CNTNAP2: variants seen among roughly 807,000 people sequenced by gnomAD.
The protein encoded by CNTNAP2 is contactin-associated protein-like 2.
CNTNAP2 carries 98 observed loss-of-function variants against 155.2 expected under a neutral mutation model. The observed-to-expected ratio is 0.63, with a 90% CI of 0.54 to 0.75. The LOEUF (loss-of-function observed/expected upper bound fraction) is 0.75, where lower values mean the gene tolerates loss of function less well. Among genes scored for constraint, CNTNAP2 ranks in the 30% least tolerant of loss-of-function variants. The pLI is 0.00. For missense variants in CNTNAP2, 1,727 were observed against 1,688.1 expected (o/e 1.02, Z -0.40); for synonymous variants, 651 against 631.2 (o/e 1.03, Z -0.47).
intron 4 of CNTNAP2, among the ~76,000 whole-genome samples, chr7:147,087,845 C>T (rs57697536): frequency 0.074 from 11,196 of 151,996 alleles, 1,085 homozygotes; most frequent in African/African-American, 0.22. Flanking sequence ...GGCATGGTGG[C>T]GCACACCTGT....
intron 2 of CNTNAP2, among the ~76,000 whole-genome samples, chr7:146,808,872 A>AACGT (rs1803014773): frequency 6.6e-6 from 1 of 152,220 alleles, no homozygotes; most frequent in African/African-American, 2.4e-5. Flanking sequence ...CACGAATGAC[A>AACGT]GAATTTCCTT....
At chr7:147,291,327 C>T (rs1805305783) in intron 8 of CNTNAP2, among the ~76,000 whole-genome samples, 1 of 152,048 alleles carries the variant, frequency 6.6e-6, no homozygotes, top group African/African-American at 2.4e-5. Flanking sequence ...CCTTTCCCCT[C>T]ACTCCACAAC....
At chr7:146,675,618 T>C (rs1194546241) in intron 1 of CNTNAP2, among the ~76,000 whole-genome samples, 1 of 152,190 alleles carries the variant, frequency 6.6e-6, no homozygotes, top group African/African-American at 2.4e-5. Context: ...TTGGTTGTCA[T>C]TGGCTTTAAA....
At chr7:147,836,579 C>T (rs2116644438) in intron 13 of CNTNAP2, among the ~76,000 whole-genome samples, 2 of 152,236 alleles carry the variant, frequency 1.3e-5, no homozygotes, top group Non-Finnish European at 2.9e-5. Context: ...CTCCTAACAC[C>T]CTTTCCCTCT....
chr7:147,583,692 A>G (rs992065538), intron 12 of CNTNAP2, among the ~76,000 whole-genome samples: 2 of 151,966 alleles, frequency 1.3e-5, no homozygotes, highest in Admixed American at 1.3e-4. Flanking sequence ...GGGACACCAA[A>G]GTACTCACAG....
At chr7:147,145,140 C>A (rs1388598636) in intron 8 of CNTNAP2, among the ~76,000 whole-genome samples, 1 of 152,130 alleles carries the variant, frequency 6.6e-6, no homozygotes, top group South Asian at 2.1e-4. Flanking sequence ...AACTGTTAAG[C>A]AACAAAATAC....
At chr7:146,321,640 T>A (rs1563037383) in intron 1 of CNTNAP2, among the ~76,000 whole-genome samples, 2 of 152,124 alleles carry the variant, frequency 1.3e-5, no homozygotes, top group African/African-American at 4.8e-5. Context: ...TTAACCTCAG[T>A]GTGATTTTGC....
intron 21 of CNTNAP2, among the ~76,000 whole-genome samples, chr7:148,329,058 A>G (rs942943162): frequency 2.1e-4 from 31 of 147,816 alleles, no homozygotes; most frequent in African/African-American, 7.8e-4. Flanking sequence ...TGTGTTCTCC[A>G]TGCTGCTGCC....
At position 147,317,907 on chromosome 7, in the gene CNTNAP2, G is replaced by A. The variant is rs989309934; in HGVS notation, c.1498+17617G>A. Among the ~76,000 whole-genome samples the A allele has an allele frequency of 4.6e-5, 7 of 150,776 alleles. No individual in the cohort carries two copies. The East Asian group carries it at 5.9e-4, about 13-fold the overall frequency. On this transcript the variant is annotated intron_variant, in intron 9 of 23. Coordinates refer to ENST00000361727, the MANE Select transcript of CNTNAP2 (RefSeq NM_014141.6). ...CTTCTCTTAACTTTCTGCTTTCTAC[G>A]GTTTGTCTCTTTCTTCTTACCTAGT...
chr7:146,229,183 A>G (rs1799343785), intron 1 of CNTNAP2, among the ~76,000 whole-genome samples: 1 of 152,190 alleles, frequency 6.6e-6, no homozygotes, highest in African/African-American at 2.4e-5. Context: ...CCATCGGGTC[A>G]CTTTTTCCCC....
At chr7:148,089,222 G>C (rs555613393) in intron 15 of CNTNAP2, among the ~76,000 whole-genome samples, 4 of 152,088 alleles carry the variant, frequency 2.6e-5, no homozygotes, top group African/African-American at 7.2e-5. Context: ...AAAGTTGAAA[G>C]CTCTTCCTCT....
chr7:147,614,852 C>G (rs532768211), intron 12 of CNTNAP2, among the ~76,000 whole-genome samples: 219 of 151,592 alleles, frequency 1.4e-3, no homozygotes, highest in African/African-American at 5.1e-3. Flanking sequence ...TTTATTATTT[C>G]TGGTGCCTTT....
intron 15 of CNTNAP2, among the ~76,000 whole-genome samples, chr7:147,994,050 G>A (rs1404034036): frequency 6.6e-6 from 1 of 151,930 alleles, no homozygotes; most frequent in Non-Finnish European, 1.5e-5. Flanking sequence ...ATATACTTAC[G>A]TATGCACACA....
At chr7:148,398,315 C>T (rs1799512566) in intron 22 of CNTNAP2, among the ~76,000 whole-genome samples, 1 of 152,198 alleles carries the variant, frequency 6.6e-6, no homozygotes, top group Non-Finnish European at 1.5e-5. Flanking sequence ...AGTTACAACA[C>T]AAACATCCCA....
chr7:147,771,358 C>T (rs1378684998), intron 13 of CNTNAP2, among the ~76,000 whole-genome samples: 2 of 152,128 alleles, frequency 1.3e-5, no homozygotes, highest in Non-Finnish European at 2.9e-5. Flanking sequence ...TGAAAAGATG[C>T]TACAAATAAA....
In CNTNAP2 at chr7:147,300,109, G is replaced by GA. The variant is rs542191078; in HGVS notation, c.1349-31dup. 5.2e-3 allele frequency: 8,342 copies of GA among 1,610,664 alleles called. 34 individuals carry two copies. The highest frequency in any genetic ancestry group is 6.2e-3 in the Non-Finnish European group (7,301 of 1,177,910). On this transcript the variant is annotated intron_variant, in intron 8 of 23. Transcript: ENST00000361727. ...ATTGTGTTCAGCTGGGTAATTTTAA[G>GA]ATAAAAATGACTTTTATCTTGTACT... is the stretch of plus-strand genomic sequence containing the variant.
chr7:148,330,506 GTGGATGGA>G (rs1797972481), intron 21 of CNTNAP2, among the ~76,000 whole-genome samples: 1 of 139,208 alleles, frequency 7.2e-6, no homozygotes, highest in African/African-American at 2.8e-5. Context: ...GATGGATGGA[GTGGATGGA>G]TGGAGTGGAT....
At chr7:147,482,994 C>T (rs1272559257) in intron 10 of CNTNAP2, among the ~76,000 whole-genome samples, 2 of 150,918 alleles carry the variant, frequency 1.3e-5, no homozygotes, top group Non-Finnish European at 2.9e-5. Context: ...TGCAGTGAGC[C>T]GAGATGGTGC....
At chr7:147,020,272 G>T (rs1021551481) in intron 3 of CNTNAP2, among the ~76,000 whole-genome samples, 2 of 151,998 alleles carry the variant, frequency 1.3e-5, no homozygotes, top group African/African-American at 2.4e-5. Context: ...ATCTATTTTT[G>T]AATATCTTTC....
Sources: allele counts gnomAD v4.1 joint callset (sites outside exome capture counted in the v4.1 genomes callset), GRCh38; gene constraint gnomAD v4.1.1; transcripts MANE v1.5; gene names NCBI Gene and HGNC (gene_info 2026-07-23, HGNC 2026-07-21).